SLC6A3: variants seen among roughly 807,000 people sequenced by gnomAD.
SLC6A3 encodes the protein sodium-dependent dopamine transporter.
SLC6A3 carries 19 observed loss-of-function variants against 70.4 expected under a neutral mutation model. The ratio of observed to expected loss-of-function variants is 0.27; its 90% confidence interval spans 0.19 to 0.40. SLC6A3 has a LOEUF of 0.40. Among genes scored for constraint, SLC6A3 ranks in the 10% least tolerant of loss-of-function variants. SLC6A3 has a pLI of 1.00. For missense variants in SLC6A3, 613 were observed against 838.5 expected (o/e 0.73, Z 3.32); for synonymous variants, 368 against 356.6 (o/e 1.03, Z -0.36).
In SLC6A3 at chr5:1,397,321, C is replaced by A. The variant is rs1385106637; in HGVS notation, c.1840-2563G>T. Among the ~76,000 whole-genome samples, 1 of 152,202 alleles carries A rather than the reference C, an allele frequency of 6.6e-6. No homozygotes were observed. Among genetic ancestry groups the A allele is most frequent in the African/African-American group, 2.4e-5 (1 of 41,450 alleles). ...TGGTGGGTGCCTGCAGTCCCAGCTA[C>A]TCGGGAGGCTGAGGCAGGAGAATGG... On this transcript the variant is annotated intron_variant, in intron 14 of 14. Transcript: ENST00000270349. This position sits in a 1 kb window ranked among gnomAD's most constrained non-coding sequence, Gnocchi z 4.7.
intron 6 of SLC6A3, among the ~76,000 whole-genome samples, chr5:1,417,691 C>T (rs556130013): frequency 6.6e-6 from 1 of 152,348 alleles, no homozygotes; most frequent in Non-Finnish European, 1.5e-5. Flanking sequence ...CTTGCCCTTC[C>T]CTGGGCCTTG....
rs1428523371 is a variant in SLC6A3 at position 1,442,612 on chromosome 5, C to T, written c.286+300G>A. On this transcript the variant is annotated intron_variant, in intron 2 of 14. Coordinates refer to ENST00000270349, the MANE Select transcript of SLC6A3 (RefSeq NM_001044.5). The surrounding 1 kb of genome is among the most constrained non-coding windows in gnomAD (Gnocchi z 5.0). ...ATTTTCTTTCCAAAGCGAAGATAGC[C>T]TCTGGAAACAGGAGGCAGAGCCAAG... Among the ~76,000 whole-genome samples the T allele has an allele frequency of 6.6e-6, 1 of 152,102 alleles. No individual in the cohort carries two copies. Among genetic ancestry groups the T allele is most frequent in the Non-Finnish European group, 1.5e-5 (1 of 68,008 alleles).
In SLC6A3 at chr5:1,414,786, G is replaced by T; in HGVS notation, c.1061C>A (p.Ser354Tyr). Residue 354 changes from serine (S) to tyrosine (Y), a missense_variant, in exon 8 of 15, where the codon TCC becomes TAC. This residue lies in a region of SLC6A3 where 348 missense variants were observed against 481.2 expected (regional missense o/e 0.72). Coordinates refer to ENST00000270349, the MANE Select transcript of SLC6A3 (RefSeq NM_001044.5). ...RDAIVTTSIN[S>Y]LTSFSSGFVV... ...GAAGCCGGAGGAGAAGCTCGTCAGG[G>T]AGTTGATGGAGGTGGTGACAATCGC... is the stretch of plus-strand genomic sequence containing the variant. 6.2e-7 allele frequency: 1 copy of T among 1,612,948 alleles called. No homozygotes were observed. The highest frequency in any genetic ancestry group is 1.3e-5 in the African/African-American group (1 of 74,992).
At position 1,394,089 on chromosome 5, in the gene SLC6A3, C is replaced by T. The variant is rs977608827; in HGVS notation, c.*646G>A. 8.3e-5 allele frequency: 13 copies of T among 156,602 alleles called. No individual in the cohort carries two copies. Among genetic ancestry groups the T allele is most frequent in the African/African-American group, 2.9e-4 (12 of 41,518 alleles). 9.7% of individuals were successfully genotyped at this position (156,602 alleles called of 1,614,324 possible). On this transcript the variant is annotated 3_prime_UTR_variant, in exon 15 of 15. Transcript: ENST00000270349. This position sits in a 1 kb window ranked among gnomAD's most constrained non-coding sequence, Gnocchi z 4.7. ...TTTCTCTCTGCTGCAAGAACATAAACAGAATTTCCTGGTGAGACATACCAG... is the reference window on the plus strand; with the variant it reads ...TTTCTCTCTGCTGCAAGAACATAAATAGAATTTCCTGGTGAGACATACCAG...
chr5:1,418,668 T>C (rs960615597), intron 6 of SLC6A3, among the ~76,000 whole-genome samples: 2 of 150,494 alleles, frequency 1.3e-5, no homozygotes, highest in Non-Finnish European at 3.0e-5. Context: ...CTATCATTCA[T>C]CCATCCACCC....
chr5:1,442,232 C>G lies in SLC6A3; in HGVS notation c.286+680G>C, dbSNP rs1336245217. On this transcript the variant is annotated intron_variant, in intron 2 of 14. Coordinates refer to ENST00000270349, the MANE Select transcript of SLC6A3 (RefSeq NM_001044.5). This position sits in a 1 kb window ranked among gnomAD's most constrained non-coding sequence, Gnocchi z 5.0. ...TACCTGCTGAGGCCTCTGTCTTCCCCTCTTCAAGATGGGCATAAAAATGCC... is the reference window on the plus strand; with the variant it reads ...TACCTGCTGAGGCCTCTGTCTTCCCGTCTTCAAGATGGGCATAAAAATGCC... 6.6e-6 allele frequency among the ~76,000 whole-genome samples: 1 copy of G among 152,186 alleles called. No individual in the cohort carries two copies. The highest frequency in any genetic ancestry group is 1.9e-4 in the East Asian group (1 of 5,192).
rs146582371 is a variant in SLC6A3 at position 1,415,193 on chromosome 5, G to A, written c.1032-378C>T. 8.6e-4 allele frequency among the ~76,000 whole-genome samples: 131 copies of A among 152,208 alleles called. 2 individuals carry two copies. Among genetic ancestry groups the A allele is most frequent in the African/African-American group, 1.9e-3 (77 of 41,562 alleles). On this transcript the variant is annotated intron_variant, in intron 7 of 14. Transcript: ENST00000270349. ...GACTGGGCGGGTCTCATGGGGTCTC[G>A]GGGGCTGTGTTTCCCATGAACTCCC...
chr5:1,422,049 G>A (rs1204976648), intron 4 of SLC6A3, 35 bp from the exon 5 acceptor site: 5 of 1,601,640 alleles, frequency 3.1e-6, no homozygotes, highest in Non-Finnish European at 4.2e-6. Context: ...CTCTGTGGGT[G>A]GCTGTCAACC....
At chr5:1,409,957 G>A (rs1266327869) in intron 9 of SLC6A3, 108 bp from the exon 10 acceptor site, 1 of 1,425,386 alleles carries the variant, frequency 7.0e-7, no homozygotes, top group Non-Finnish European at 9.8e-7. Flanking sequence ...GATGGACACG[G>A]AACAGGGGCC....
chr5:1,407,264 A>C (rs10072058), intron 11 of SLC6A3, among the ~76,000 whole-genome samples: 1 of 152,058 alleles, frequency 6.6e-6, no homozygotes, highest in Admixed American at 6.5e-5. Context: ...CCCGTGTCCC[A>C]TCAGAAAGAA....
Position 1,445,396 on chromosome 5 carries a change from G to T in SLC6A3, c.-94C>A. 1 of 160,338 alleles carries T rather than the reference G, an allele frequency of 6.2e-6. No homozygotes were observed. Among genetic ancestry groups the T allele is most frequent in the Non-Finnish European group, 1.4e-5 (1 of 73,220 alleles). The allele number at this position is 160,338 out of a possible 1,614,324, so 9.9% of individuals were successfully genotyped here. A position where few individuals can be genotyped will look rare whatever the true frequency, so the allele number is the denominator to read the frequency against. Reference sequence around the variant, plus strand: ...GCACGCGAGTCCTGGCGCCGAGAGCGTTCCGCGAAGCCTCCCCTCCCGCTC... The same window carrying T: ...GCACGCGAGTCCTGGCGCCGAGAGCTTTCCGCGAAGCCTCCCCTCCCGCTC... On this transcript the variant is annotated 5_prime_UTR_variant, in exon 1 of 15. Transcript: ENST00000270349.
At chr5:1,426,182 G>A (rs1050469874) in intron 4 of SLC6A3, among the ~76,000 whole-genome samples, 2 of 152,046 alleles carry the variant, frequency 1.3e-5, no homozygotes, top group East Asian at 3.8e-4. Context: ...CAATATTGAG[G>A]TTCATAGCAG....
Position 1,394,826 on chromosome 5 carries a change from CTAAGAGCAGCTGAAGGCAGT to C in SLC6A3, c.1840-88_1840-69del. ...CCCATTTAAGAGCAGCTGAAGGTGGCTAAGAGCAGCTGAAGGCAGTGAGCAGACAGTTTGCAGCCTCCTGG... is the reference window on the plus strand; with the variant it reads ...CCCATTTAAGAGCAGCTGAAGGTGGCGAGCAGACAGTTTGCAGCCTCCTGG... On this transcript the variant is annotated intron_variant, in intron 14 of 14. Transcript: ENST00000270349. The surrounding 1 kb of genome is among the most constrained non-coding windows in gnomAD (Gnocchi z 4.7). 6.4e-7 allele frequency: 1 copy of C among 1,559,426 alleles called. No homozygotes were observed. The highest frequency in any genetic ancestry group is 8.8e-7 in the Non-Finnish European group (1 of 1,132,580).
Position 1,411,346 on chromosome 5 carries a change from A to G in SLC6A3, c.1166T>C (p.Leu389Pro). ...IGDVAKDGPGLIFIIYPEAIA... is the reference protein window; with the variant it reads ...IGDVAKDGPGPIFIIYPEAIA... Reference sequence around the variant, plus strand: ...GGCTTCCGGGTAGATGATGAAGATCAGCCCTGGCCCTGAAACAGAACCCGC... The same window carrying G: ...GGCTTCCGGGTAGATGATGAAGATCGGCCCTGGCCCTGAAACAGAACCCGC... The change falls in exon 9 of 15, where the codon CTG becomes CCG. Residue 389 changes from leucine to proline, a missense_variant. This residue lies in a region of SLC6A3 where 348 missense variants were observed against 481.2 expected (regional missense o/e 0.72). Transcript: ENST00000270349. The surrounding 1 kb of genome is among the most constrained non-coding windows in gnomAD (Gnocchi z 6.5). 1 of 1,550,834 alleles carries G rather than the reference A, an allele frequency of 6.4e-7. No homozygotes were observed.
chr5:1,415,738 G>A (rs1756274747), intron 7 of SLC6A3, among the ~76,000 whole-genome samples: 1 of 152,144 alleles, frequency 6.6e-6, no homozygotes, highest in Non-Finnish European at 1.5e-5. Context: ...TGGACCCTGA[G>A]CGAGGGAGGA....
At position 1,444,464 on chromosome 5, in the gene SLC6A3, GCACA is replaced by G. The variant is rs1273838024; in HGVS notation, c.-46+880_-46+883del. On this transcript the variant is annotated intron_variant, in intron 1 of 14. Coordinates refer to ENST00000270349, the MANE Select transcript of SLC6A3 (RefSeq NM_001044.5). ...TACACACTCACACTCACACAGGTGC[GCACA>G]CACACACAACGACTGAAGCAGGTCG... 5.3e-5 allele frequency among the ~76,000 whole-genome samples: 8 copies of G among 151,932 alleles called. No homozygotes were observed. The South Asian group carries it at 1.7e-3, about 32-fold the overall frequency.
intron 12 of SLC6A3, 72 bp from the exon 13 acceptor site, chr5:1,403,161 G>C (rs1755892345): frequency 6.6e-7 from 1 of 1,518,090 alleles, no homozygotes. Context: ...GAGCGGGCAG[G>C]CACTTCATGG....
At chr5:1,414,418 G>GGAAA (rs1756209119) in intron 8 of SLC6A3, among the ~76,000 whole-genome samples, 1 of 147,974 alleles carries the variant, frequency 6.8e-6, no homozygotes, top group African/African-American at 2.6e-5. Context: ...TGGAGGGGCA[G>GGAAA]GGCGGAGAAG....
rs952974456 is a variant in SLC6A3 at position 1,422,092 on chromosome 5, G to A, written c.654-78C>T. On this transcript the variant is annotated intron_variant, in intron 4 of 14. Coordinates refer to ENST00000270349, the MANE Select transcript of SLC6A3 (RefSeq NM_001044.5). ...AACTGGACGGCTGAGCTTGTCCGGGGACCTGCCCTCCCCATCTCAGCAGGG... is the reference window on the plus strand; with the variant it reads ...AACTGGACGGCTGAGCTTGTCCGGGAACCTGCCCTCCCCATCTCAGCAGGG... 4.1e-6 allele frequency: 6 copies of A among 1,462,172 alleles called. No homozygotes were observed. In the African/African-American group the frequency reaches 5.5e-5, roughly 13 times the overall value. 90.6% of individuals were successfully genotyped at this position (1,462,172 alleles called of 1,614,324 possible). A position where few individuals can be genotyped will look rare whatever the true frequency, so the allele number is the denominator to read the frequency against.
Sources: gnomAD v4.1 joint callset for allele counts (sites outside exome capture counted in the v4.1 genomes callset) on GRCh38, gnomAD v4.1.1 for gene constraint, gnomAD v4.1.1 regional missense constraint, Gnocchi (gnomAD v3.1) non-coding constraint, MANE v1.5 for transcripts, NCBI Gene and HGNC (gene_info 2026-07-23, HGNC 2026-07-21) for gene names.